Variants in TMEM132D observed in about 807,000 individuals in gnomAD.
TMEM132D encodes mature OL transmembrane protein.
Under a neutral mutation model 62.3 loss-of-function variants are expected in TMEM132D, and 21 were observed. The observed-to-expected ratio is 0.34, with a 90% CI of 0.24 to 0.49. The LOEUF is 0.49. Ranked by LOEUF, TMEM132D falls within the 20% of genes least tolerant of loss-of-function variation. TMEM132D has a pLI of 0.99. For missense variants in TMEM132D, 1,346 were observed against 1,402.8 expected (o/e 0.96, Z 0.65); for synonymous variants, 621 against 575.6 (o/e 1.08, Z -1.13).
intron 5 of TMEM132D, among the ~76,000 whole-genome samples, chr12:129,195,571 A>G (rs1055359830): frequency 7.9e-5 from 12 of 152,092 alleles, no homozygotes; most frequent in African/African-American, 2.2e-4. Context: ...TTACCTTGTG[A>G]CCCTGACCCA....
At chr12:129,763,645 T>G (rs992453185) in intron 1 of TMEM132D, among the ~76,000 whole-genome samples, 13 of 152,148 alleles carry the variant, frequency 8.5e-5, no homozygotes, top group African/African-American at 3.1e-4. Flanking sequence ...GTTTCTGGGT[T>G]TTGAGACGTT....
At chr12:129,393,377 C>A (rs923513130) in intron 3 of TMEM132D, among the ~76,000 whole-genome samples, 2 of 152,180 alleles carry the variant, frequency 1.3e-5, no homozygotes, top group African/African-American at 4.8e-5. Context: ...TGGGGGGCAA[C>A]TGGTTTAATG....
chr12:129,249,231 A>T (rs1264463870), intron 4 of TMEM132D, among the ~76,000 whole-genome samples: 1 of 152,222 alleles, frequency 6.6e-6, no homozygotes, highest in Non-Finnish European at 1.5e-5. Context: ...ACTGAATTGT[A>T]AATTTAAAAA....
intron 3 of TMEM132D, among the ~76,000 whole-genome samples, chr12:129,402,491 A>G (rs1871653058): frequency 6.6e-6 from 1 of 152,138 alleles, no homozygotes; most frequent in African/African-American, 2.4e-5. Context: ...AGACTTACTT[A>G]CTTCAGCACT....
At chr12:129,268,792 G>A (rs1593317419) in intron 4 of TMEM132D, among the ~76,000 whole-genome samples, 1 of 152,034 alleles carries the variant, frequency 6.6e-6, no homozygotes, top group Non-Finnish European at 1.5e-5. Flanking sequence ...TGAGAGACTG[G>A]ATTAAGAAAA....
At chr12:129,427,004 T>C (rs2135713951) in intron 3 of TMEM132D, among the ~76,000 whole-genome samples, 1 of 152,336 alleles carries the variant, frequency 6.6e-6, no homozygotes, top group Non-Finnish European at 1.5e-5. Context: ...AAGCTTAATT[T>C]GCTCCTATAA....
chr12:129,135,852 C>T (rs1876542274), intron 5 of TMEM132D, among the ~76,000 whole-genome samples: 2 of 152,150 alleles, frequency 1.3e-5, no homozygotes, highest in Middle Eastern at 3.4e-3. Flanking sequence ...ACATGGTATT[C>T]TCATTGTGTG....
At chr12:129,474,915 G>T (rs1455406974) in intron 3 of TMEM132D, among the ~76,000 whole-genome samples, 2 of 152,178 alleles carry the variant, frequency 1.3e-5, no homozygotes, top group Non-Finnish European at 2.9e-5. Context: ...ACAGAAGGCT[G>T]GGGCTTTGGC....
intron 4 of TMEM132D, among the ~76,000 whole-genome samples, chr12:129,319,815 G>C (rs7298155): frequency 0.023 from 3,437 of 152,302 alleles, 64 homozygotes; most frequent in Non-Finnish European, 0.035. Context: ...AGCTGAGTGA[G>C]GAAATTGATG....
chr12:129,265,178 C>A (rs1880653334), intron 4 of TMEM132D, among the ~76,000 whole-genome samples: 1 of 152,096 alleles, frequency 6.6e-6, no homozygotes, highest in African/African-American at 2.4e-5. Flanking sequence ...ATCATGATGG[C>A]CAAAGGGATG....
chr12:129,219,001 C>G (rs566139636), intron 4 of TMEM132D, among the ~76,000 whole-genome samples: 11 of 152,220 alleles, frequency 7.2e-5, no homozygotes, highest in African/African-American at 2.6e-4. Flanking sequence ...CAGGTTTCCC[C>G]GGGTGTGTAA....
chr12:129,892,079 A>C (rs1205310719), intron 1 of TMEM132D, among the ~76,000 whole-genome samples: 1 of 152,210 alleles, frequency 6.6e-6, no homozygotes, highest in Admixed American at 6.5e-5. Flanking sequence ...AAGCCAAGGA[A>C]AAAACTTATT....
At chr12:129,509,874 T>C (rs775109556) in intron 3 of TMEM132D, among the ~76,000 whole-genome samples, 2 of 152,208 alleles carry the variant, frequency 1.3e-5, no homozygotes, top group African/African-American at 2.4e-5. Flanking sequence ...TCATCGCTGA[T>C]GGACACTTAG....
chr12:129,854,963 G>C (rs575078549), intron 1 of TMEM132D: 3 of 152,370 alleles, frequency 2.0e-5, no homozygotes, highest in Non-Finnish European at 4.4e-5. Flanking sequence ...CATGGTATTT[G>C]CAATGACTGG....
intron 2 of TMEM132D, among the ~76,000 whole-genome samples, chr12:129,551,825 T>C (rs1337521370): frequency 6.6e-6 from 1 of 152,200 alleles, no homozygotes; most frequent in Non-Finnish European, 1.5e-5. Context: ...AATGCCTGAG[T>C]AACCACAGAT....
intron 1 of TMEM132D, among the ~76,000 whole-genome samples, chr12:129,901,457 G>A (rs905709190): frequency 6.6e-6 from 1 of 152,120 alleles, no homozygotes; most frequent in African/African-American, 2.4e-5. Context: ...TCTGCTAATT[G>A]CTGTACAAAG....
chr12:129,644,761 G>C (rs941140439), intron 2 of TMEM132D, among the ~76,000 whole-genome samples: 1 of 150,912 alleles, frequency 6.6e-6, no homozygotes, highest in African/African-American at 2.4e-5. Flanking sequence ...GGCAGATCAC[G>C]AGGTCAGGAG....
At chr12:129,454,024 C>T (rs1873383949) in intron 3 of TMEM132D, among the ~76,000 whole-genome samples, 2 of 152,174 alleles carry the variant, frequency 1.3e-5, no homozygotes, top group South Asian at 4.1e-4. Context: ...GCAGCAACTA[C>T]AGCAATGTTC....
At chr12:129,106,358 T>A (rs1290664346) in intron 5 of TMEM132D, among the ~76,000 whole-genome samples, 2 of 151,770 alleles carry the variant, frequency 1.3e-5, no homozygotes, top group East Asian at 3.9e-4. Flanking sequence ...ATGGCACATG[T>A]ATACATATGT....
Sources: allele counts gnomAD v4.1 joint callset (sites outside exome capture counted in the v4.1 genomes callset), GRCh38; gene constraint gnomAD v4.1.1; transcripts MANE v1.5; gene names NCBI Gene and HGNC (gene_info 2026-07-23, HGNC 2026-07-21).